The following COL9A3 variants were observed in gnomAD, a reference collection of about 807,000 sequenced individuals.
COL9A3 encodes the protein collagen type IX alpha 3 chain.
In COL9A3, 82 loss-of-function variants were observed where a neutral mutation model predicts 110.2. The ratio of observed to expected loss-of-function variants is 0.74; its 90% CI spans 0.62 to 0.89. COL9A3 has a LOEUF of 0.89. COL9A3 is among the 40% of genes least tolerant of loss of function. The pLI is 0.00. For missense variants in COL9A3, 1,066 were observed against 981.3 expected, an observed-to-expected ratio of 1.09 and a Z score of -1.15; for synonymous variants, 494 against 403.8, an observed-to-expected ratio of 1.22 and a Z score of -2.68.
rs2063674856 is a variant in COL9A3, at chr20:62,841,054, CTA to C, written c.*324_*325del. ...TGTTTACATAGCATTTGTGTAAAGA[CTA>C]TGATCTCATCCCAATAAAATGATAT... On this transcript the variant is annotated 3_prime_UTR_variant, in exon 32 of 32. Coordinates refer to ENST00000649368, the MANE Select transcript of COL9A3 (RefSeq NM_001853.4). The C allele has an allele frequency of 6.2e-6, 2 of 321,078 alleles. No homozygotes were observed. Among genetic ancestry groups the C allele is most frequent in the Non-Finnish European group, 1.2e-5 (2 of 168,762 alleles). The allele number at this position is 321,078 out of a possible 1,614,324, so 19.9% of individuals were successfully genotyped here. A position where few individuals can be genotyped will look rare whatever the true frequency, so the allele number is the denominator to read the frequency against.
At position 62,829,388 on chromosome 20, in the gene COL9A3, G is replaced by A. The variant is rs2294991; in HGVS notation, c.1009-67G>A. The A allele has an allele frequency of 0.16, 256,232 of 1,600,680 alleles. 21,780 individuals carry two copies. Among genetic ancestry groups the A allele is most frequent in the African/African-American group, 0.19 (14,408 of 74,824 alleles). ...GCCCCTGCACCCTGCCTGCGTGCACGCCCCTGGGTGCTGCTGCCGGCGTGC... is the reference window on the plus strand; with the variant it reads ...GCCCCTGCACCCTGCCTGCGTGCACACCCCTGGGTGCTGCTGCCGGCGTGC... On this transcript the variant is annotated intron_variant, in intron 19 of 31. Coordinates refer to ENST00000649368, the MANE Select transcript of COL9A3 (RefSeq NM_001853.4).
At chr20:62,829,364 C>A in intron 19 of COL9A3, 91 bp from the exon 20 acceptor site, 21 of 1,543,912 alleles carry the variant, frequency 1.4e-5, no homozygotes, top group Non-Finnish European at 1.9e-5. Context: ...CTCACTCTGG[C>A]CCCTGCACCC....
chr20:62,822,881 G>A (rs1028908797), intron 10 of COL9A3, among the ~76,000 whole-genome samples: 2 of 151,908 alleles, frequency 1.3e-5, no homozygotes, highest in East Asian at 1.9e-4. Context: ...GCCACCAGGC[G>A]CATGGAGCTG....
intron 10 of COL9A3, among the ~76,000 whole-genome samples, 193 bp from the exon 11 acceptor site, chr20:62,824,252 T>TGC (rs2063532801): frequency 1.5e-5 from 2 of 133,640 alleles, no homozygotes; most frequent in African/African-American, 5.4e-5. Context: ...CCATCATCTG[T>TGC]GCGGAGTGGC....
chr20:62,836,448 A>G lies in COL9A3; in HGVS notation c.1549-30A>G, dbSNP rs760087. The G allele has an allele frequency of 0.17, 267,218 of 1,612,998 alleles. 25,205 individuals are homozygous for G. Among genetic ancestry groups the G allele is most frequent in the East Asian group, 0.44 (19,797 of 44,840 alleles). On this transcript the variant is annotated intron_variant, in intron 28 of 31. Coordinates refer to ENST00000649368, the MANE Select transcript of COL9A3 (RefSeq NM_001853.4). The stretch of plus-strand genomic sequence containing the variant: ...ATGCCTCACCGAGGCTGCCGCCCCC[A>G]TGCTGACGAATGTGTGGGGTGAATT...
intron 10 of COL9A3, 83 bp from the exon 11 acceptor site, chr20:62,824,361 TG>T: frequency 7.0e-7 from 1 of 1,431,202 alleles, no homozygotes; most frequent in Non-Finnish European, 9.6e-7. Flanking sequence ...AGTGGCCTCC[TG>T]GGGTCCCGCG....
At chr20:62,832,739 G>A (rs771127912) in intron 25 of COL9A3, 5 of 267,754 alleles carry the variant, frequency 1.9e-5, no homozygotes, top group Non-Finnish European at 3.0e-5. Flanking sequence ...CCATACCGCT[G>A]GAGGGCCTGC....
intron 2 of COL9A3, 34 bp downstream of exon 2, chr20:62,817,669 C>T: frequency 6.9e-7 from 1 of 1,456,406 alleles, no homozygotes; most frequent in Non-Finnish European, 9.3e-7. Flanking sequence ...CCCGAGCGCT[C>T]TGGGGTTCTG....
In COL9A3 at chr20:62,825,851, C is replaced by T. The variant is rs202005710; in HGVS notation, c.665C>T (p.Pro222Leu). 126 of 1,559,258 alleles carry T rather than the reference C, an allele frequency of 8.1e-5. No individual in the cohort carries two copies. The East Asian group carries it at 2.0e-3, about 25-fold the overall frequency. ...DPGPPGPAGLPGSVGLQGPRG... is the reference protein window; with the variant it reads ...DPGPPGPAGLLGSVGLQGPRG... ...GGCCCCCCTGGGCCCGCCGGCCTCC[C>T]GGGCAGCGTGGGGCTGCAGGTGAGG... Residue 222 changes from proline (P) to leucine (L), a missense_variant, in exon 13 of 32, where the codon CCG (proline) becomes CTG (leucine). Transcript: ENST00000649368.
intron 1 of COL9A3, 56 bp downstream of exon 1, chr20:62,817,198 C>A: frequency 1.6e-6 from 2 of 1,227,086 alleles, no homozygotes; most frequent in Middle Eastern, 3.1e-4. Flanking sequence ...CGCCCCAGCC[C>A]CGAACCCGCC....
chr20:62,821,535 G>T lies in COL9A3; in HGVS notation c.369+5G>T. On this transcript the variant is annotated splice_donor_5th_base_variant and intron_variant, in intron 7 of 31. Coordinates refer to ENST00000649368, the MANE Select transcript of COL9A3 (RefSeq NM_001853.4). ...AAAGGCCTCCCTGGACCCCCCGTGAGTACTGACAACCCTTGGGGCCCTGAG... is the reference window on the plus strand; with the variant it reads ...AAAGGCCTCCCTGGACCCCCCGTGATTACTGACAACCCTTGGGGCCCTGAG... The T allele has an allele frequency of 1.2e-6, 2 of 1,612,662 alleles. No individual in the cohort carries two copies. The highest frequency in any genetic ancestry group is 1.7e-6 in the Non-Finnish European group (2 of 1,179,892).
chr20:62,831,978 G>A (rs2063600651), intron 24 of COL9A3, 176 bp from the exon 25 acceptor site: 2 of 712,620 alleles, frequency 2.8e-6, no homozygotes, highest in Admixed American at 4.1e-5. Context: ...CGGGCCCAGA[G>A]GCTGTGAACG....
Position 62,817,634 on chromosome 20 carries a change from A to C in COL9A3, c.146A>C (p.Asp49Ala). 1 of 1,537,666 alleles carries C rather than the reference A, an allele frequency of 6.5e-7. No individual in the cohort carries two copies. Residue 49 changes from aspartate (D) to alanine (A), a missense_variant and splice_region_variant, in exon 2 of 32, where the codon GAC becomes GCC. Coordinates refer to ENST00000649368, the MANE Select transcript of COL9A3 (RefSeq NM_001853.4). The stretch of plus-strand genomic sequence containing the variant: ...GGGAAGCCCGGCCAGGACGGCATTG[A>C]CGTGAGTTTGGGGGTGGGGAGGGCC... ...PPGKPGQDGI[D>A]GEAGPPGLPG...
intron 25 of COL9A3, among the ~76,000 whole-genome samples, chr20:62,832,520 G>A (rs2063604592): frequency 6.6e-6 from 1 of 152,274 alleles, no homozygotes; most frequent in African/African-American, 2.4e-5. Flanking sequence ...ACTCTCAAAG[G>A]GACAGAGGTG....
At chr20:62,825,357 T>C (rs146552071) in intron 12 of COL9A3, 4,005 of 327,142 alleles carry the variant, frequency 0.012, 73 homozygotes, top group South Asian at 0.036. Flanking sequence ...GGTTTGTGTC[T>C]GTGGCCGGGG....
At position 62,822,312 on chromosome 20, in the gene COL9A3, G is replaced by A. The variant is rs950746940; in HGVS notation, c.477+148G>A. ...ACTCCCAGGAACAGTCAATGGTGGG[G>A]GCAGTGGCTGTGGCTAGGCCAGCCA... On this transcript the variant is annotated intron_variant, in intron 9 of 31. Coordinates refer to ENST00000649368, the MANE Select transcript of COL9A3 (RefSeq NM_001853.4). 1.5e-5 allele frequency: 11 copies of A among 715,218 alleles called. No individual in the cohort carries two copies. In the African/African-American group the frequency reaches 1.6e-4, roughly 10 times the overall value. The allele number at this position is 715,218 out of a possible 1,614,324, so 44.3% of individuals were successfully genotyped here. A position where few individuals can be genotyped will look rare whatever the true frequency, so the allele number is the denominator to read the frequency against.
At position 62,822,158 on chromosome 20, in the gene COL9A3, AC is replaced by A; in HGVS notation, c.476del (p.Pro159LeufsTer374). 1 of 1,571,862 alleles carries A rather than the reference AC, an allele frequency of 6.4e-7. No individual in the cohort carries two copies. Among genetic ancestry groups the A allele is most frequent in the Non-Finnish European group, 8.8e-7 (1 of 1,142,598 alleles). On this transcript the variant is annotated frameshift_variant, in exon 9 of 32. Transcript: ENST00000649368. LOFTEE classifies it high-confidence loss of function. ...GLPGPPGPPG[P>X]PGHPGVLPEG... ...TCCCTGGTCCCCCAGGACCTCCCGG[AC>A]CCCCTGTAAGTACTGGGCAGAGGCT... is the stretch of plus-strand genomic sequence containing the variant.
rs1030076861 is a variant in COL9A3 at position 62,830,699 on chromosome 20, C to T, written c.1287+111C>T. ...CCCCACCACAGTCCCCCAACCCCTA[C>T]CACAGTCCCCCAACCCCCACCACAG... On this transcript the variant is annotated intron_variant, in intron 24 of 31. Transcript: ENST00000649368. 100 of 380,226 alleles carry T rather than the reference C, an allele frequency of 2.6e-4. 4 individuals carry two copies. Among genetic ancestry groups the T allele is most frequent in the Admixed American group, 1.3e-3 (35 of 26,174 alleles). 23.6% of individuals were successfully genotyped at this position (380,226 alleles called of 1,614,324 possible).
At chr20:62,824,789 CAT>C (rs1437081122) in intron 11 of COL9A3, among the ~76,000 whole-genome samples, 177 bp from the exon 12 acceptor site, 3 of 152,312 alleles carry the variant, frequency 2.0e-5, no homozygotes, top group African/African-American at 4.8e-5. Flanking sequence ...AGAGCGCCCT[CAT>C]GTGGGTCCTA....
Sources: allele counts gnomAD v4.1 joint callset (sites outside exome capture counted in the v4.1 genomes callset), GRCh38; gene constraint gnomAD v4.1.1; transcripts MANE v1.5; gene names NCBI Gene and HGNC (gene_info 2026-07-23, HGNC 2026-07-21).